ARMH4: variants seen among roughly 807,000 people sequenced by gnomAD.
ARMH4 encodes armadillo like helical domain containing 4, also known as armadillo-like helical domain-containing protein 4.
ARMH4 carries 49 observed loss-of-function variants against 61.9 expected under a neutral mutation model. The ratio of observed to expected loss-of-function variants is 0.79; its 90% CI spans 0.63 to 1.00. ARMH4 has a LOEUF of 1.00. Ranked by LOEUF, ARMH4 falls within the 50% of genes least tolerant of loss-of-function variation. The pLI is 0.00. For synonymous variants in ARMH4, 368 were observed against 341.5 expected (o/e 1.08, Z -0.85); for missense variants, 934 against 930.0 (o/e 1.00, Z -0.06).
intron 5 of ARMH4, among the ~76,000 whole-genome samples, chr14:58,057,635 AG>A (rs1884389593): frequency 6.6e-6 from 1 of 152,040 alleles, no homozygotes; most frequent in African/African-American, 2.4e-5. Flanking sequence ...CGTGGCAGGT[AG>A]ATGTAGTGAC....
chr14:58,088,074 A>T (rs1423284499), intron 5 of ARMH4, among the ~76,000 whole-genome samples: 1 of 152,128 alleles, frequency 6.6e-6, no homozygotes, highest in Non-Finnish European at 1.5e-5. Flanking sequence ...TGGGTATTTA[A>T]CCTATTTATA....
chr14:58,026,146 G>C (rs1883011325), intron 5 of ARMH4, among the ~76,000 whole-genome samples: 1 of 151,972 alleles, frequency 6.6e-6, no homozygotes, highest in South Asian at 2.1e-4. Context: ...CACAACTCTT[G>C]TGATGAGAAG....
chr14:58,041,261 C>A (rs575503518), intron 5 of ARMH4, among the ~76,000 whole-genome samples: 1 of 152,288 alleles, frequency 6.6e-6, no homozygotes, highest in African/African-American at 2.4e-5. Context: ...GTCACTCCCA[C>A]CCCAATACTG....
At chr14:58,100,469 G>C (rs1885929498) in intron 4 of ARMH4, among the ~76,000 whole-genome samples, 1 of 152,184 alleles carries the variant, frequency 6.6e-6, no homozygotes, top group South Asian at 2.1e-4. Context: ...TACCAGAAGA[G>C]CTCAATTGAG....
At chr14:58,087,632 T>C (rs935954671) in intron 5 of ARMH4, among the ~76,000 whole-genome samples, 23 of 152,232 alleles carry the variant, frequency 1.5e-4, no homozygotes, top group Admixed American at 3.3e-4. Context: ...GTTCTGTCTA[T>C]GACTCTTGGA....
rs187559837 is a variant in ARMH4, at chr14:58,055,272, C to T, written c.2089+41452G>A. On this transcript the variant is annotated intron_variant, in intron 5 of 7. Coordinates refer to ENST00000267485, the MANE Select transcript of ARMH4 (RefSeq NM_001001872.4). ...CATAGATTAATTCTGAGACAGAAAG[C>T]AACAAATATGTCCCAGGACAGATAG... 4.4e-3 allele frequency among the ~76,000 whole-genome samples: 665 copies of T among 152,266 alleles called. 1 individual carries two copies. The highest frequency in any genetic ancestry group is 7.1e-3 in the Non-Finnish European group (484 of 68,030).
intron 5 of ARMH4, among the ~76,000 whole-genome samples, chr14:58,026,729 A>T (rs1027861509): frequency 1.3e-5 from 2 of 152,144 alleles, no homozygotes; most frequent in South Asian, 4.2e-4. Context: ...CCTCATTCTC[A>T]ATTTTAGGTA....
At chr14:58,104,162 G>A (rs1398843784) in intron 4 of ARMH4, among the ~76,000 whole-genome samples, 1 of 152,056 alleles carries the variant, frequency 6.6e-6, no homozygotes, top group Non-Finnish European at 1.5e-5. Flanking sequence ...CCTTCTCTCT[G>A]CCCTGAAATG....
At chr14:58,077,783 T>C (rs946786664) in intron 5 of ARMH4, among the ~76,000 whole-genome samples, 6 of 152,238 alleles carry the variant, frequency 3.9e-5, no homozygotes, top group Non-Finnish European at 8.8e-5. Context: ...AATCCACATC[T>C]TTTTTACTCC....
chr14:58,014,365 G>T (rs1882522890), intron 5 of ARMH4, among the ~76,000 whole-genome samples: 1 of 152,116 alleles, frequency 6.6e-6, no homozygotes, highest in Non-Finnish European at 1.5e-5. Context: ...AAGGCCAGGG[G>T]TTAGTGATTC....
chr14:58,087,366 G>C (rs1885416914), intron 5 of ARMH4, among the ~76,000 whole-genome samples: 1 of 152,042 alleles, frequency 6.6e-6, no homozygotes, highest in African/African-American at 2.4e-5. Flanking sequence ...CCTCAACATA[G>C]GAACATCCTC....
At chr14:58,066,470 T>C (rs1884705015) in intron 5 of ARMH4, among the ~76,000 whole-genome samples, 1 of 152,176 alleles carries the variant, frequency 6.6e-6, no homozygotes, top group African/African-American at 2.4e-5. Context: ...GATGAAATTG[T>C]CTTGGAGATG....
chr14:58,076,111 G>A (rs1290606715), intron 5 of ARMH4, among the ~76,000 whole-genome samples: 1 of 146,566 alleles, frequency 6.8e-6, no homozygotes, highest in Non-Finnish European at 1.5e-5. Context: ...AGGGGGAGGG[G>A]GAAGGGGAGG....
At chr14:58,055,919 CA>C (rs992083962) in intron 5 of ARMH4, among the ~76,000 whole-genome samples, 1 of 152,224 alleles carries the variant, frequency 6.6e-6, no homozygotes, top group Admixed American at 6.5e-5. Context: ...AAATATGATT[CA>C]AAAGCTCAGC....
rs980334018 is a variant in ARMH4 at position 58,032,970 on chromosome 14, G to C, written c.2090-20820C>G. On this transcript the variant is annotated intron_variant, in intron 5 of 7. Coordinates refer to ENST00000267485, the MANE Select transcript of ARMH4 (RefSeq NM_001001872.4). ...CAAACTGCAAGGCGGCAACGAGGCT[G>C]GGGGAGGGGCGCCCGCCATTGCCCA... 2.0e-4 allele frequency among the ~76,000 whole-genome samples: 30 copies of C among 146,632 alleles called. No homozygotes were observed. The South Asian group carries it at 5.1e-3, about 25-fold the overall frequency.
intron 5 of ARMH4, among the ~76,000 whole-genome samples, chr14:58,033,190 C>T (rs12889008): frequency 0.17 from 16,663 of 99,722 alleles, 1,544 homozygotes; most frequent in Middle Eastern, 0.2. Context: ...TCTCCCAGCA[C>T]GCAGCTGGAG....
intron 4 of ARMH4, among the ~76,000 whole-genome samples, chr14:58,122,521 C>T (rs1271652799): frequency 2.0e-5 from 3 of 152,078 alleles, no homozygotes; most frequent in Admixed American, 2.0e-4. Flanking sequence ...TTCAAAAGTC[C>T]ACCTTAGGCC....
chr14:58,092,748 T>C (rs1271542715), intron 5 of ARMH4, among the ~76,000 whole-genome samples: 1 of 152,016 alleles, frequency 6.6e-6, no homozygotes, highest in Admixed American at 6.6e-5. Flanking sequence ...CATAAGAACC[T>C]TGTAATTATA....
At chr14:58,099,330 G>A (rs1481672630) in intron 4 of ARMH4, among the ~76,000 whole-genome samples, 1 of 152,144 alleles carries the variant, frequency 6.6e-6, no homozygotes, top group African/African-American at 2.4e-5. Flanking sequence ...CCACTTAGAG[G>A]GTGACCAGCA....
Sources: gnomAD v4.1 joint callset for allele counts (sites outside exome capture counted in the v4.1 genomes callset) on GRCh38, gnomAD v4.1.1 for gene constraint, MANE v1.5 for transcripts, NCBI Gene and HGNC (gene_info 2026-07-23, HGNC 2026-07-21) for gene names.